The following CASK variants were observed in gnomAD, a reference collection of about 807,000 sequenced individuals.
CASK encodes calcium/calmodulin dependent serine protein kinase, also known as peripheral plasma membrane protein CASK.
A neutral mutation model predicts 82.9 loss-of-function variants in CASK; 4 were observed. The observed-to-expected ratio is 0.05, with a 90% CI of 0.02 to 0.11. The LOEUF is 0.11. Ranked by LOEUF, CASK falls within the 10% of genes least tolerant of loss-of-function variation. The pLI is 1.00. For synonymous variants in CASK, 259 were observed against 253.5 expected (o/e 1.02, Z -0.20); for missense variants, 358 against 720.9 (o/e 0.50, Z 5.76).
intron 4 of CASK, among the ~76,000 whole-genome samples, chrX:41,742,375 C>G (rs1373397103): frequency 1.8e-5 from 2 of 111,547 alleles, no homozygotes; most frequent in Non-Finnish European, 3.8e-5. Flanking sequence ...AGCCTTCTGA[C>G]TGCCTGTATC....
At chrX:41,667,697 T>C (rs1452171915) in intron 6 of CASK, among the ~76,000 whole-genome samples, 2 of 111,506 alleles carry the variant, frequency 1.8e-5, no homozygotes. Context: ...GTAGCTGGGA[T>C]TACAGGTGTG....
intron 2 of CASK, among the ~76,000 whole-genome samples, chrX:41,834,950 C>G (rs1394731502): frequency 9.0e-6 from 1 of 111,655 alleles, no homozygotes; most frequent in African/African-American, 3.3e-5. Context: ...CTCCAAAATT[C>G]ATCTTGTACC....
At chrX:41,786,045 C>T (rs2069592462) in intron 3 of CASK, among the ~76,000 whole-genome samples, 1 of 111,885 alleles carries the variant, frequency 8.9e-6, no homozygotes, top group Non-Finnish European at 1.9e-5. Context: ...TTGTGGCTCT[C>T]AGTCCAGTAG....
intron 5 of CASK, among the ~76,000 whole-genome samples, chrX:41,684,531 T>C (rs151056244): frequency 0.022 from 2,430 of 111,613 alleles, 74 homozygotes; most frequent in African/African-American, 0.074. Context: ...GGGTCTCACT[T>C]TGTCACCCAG....
chrX:41,633,481 A>C (rs1207733122), intron 9 of CASK, among the ~76,000 whole-genome samples: 1 of 111,150 alleles, frequency 9.0e-6, no homozygotes, highest in Non-Finnish European at 1.9e-5. Flanking sequence ...CAGCCTGGAG[A>C]TCATGCAGTC....
rs778670499 is a variant in CASK, at chrX:41,752,293, C to CT, written c.279-6693dup. Among the ~76,000 whole-genome samples, 213 of 102,369 alleles carry CT rather than the reference C, an allele frequency of 2.1e-3. 2 individuals carry two copies. Among genetic ancestry groups the CT allele is most frequent in the South Asian group, 9.3e-3 (21 of 2,266 alleles). The allele number at this position is 102,369 out of a possible 115,157, so 88.9% of individuals were successfully genotyped here. A position where few individuals can be genotyped will look rare whatever the true frequency, so the allele number is the denominator to read the frequency against. ...GAAATCATCATAATGAAAATTAGAA[C>CT]TTTTTTTTTTTTTCCAAGACAGGGT... On this transcript the variant is annotated intron_variant, in intron 3 of 26. Transcript: ENST00000378163.
At chrX:41,676,549 G>A in intron 5 of CASK, 3 of 1,051,059 alleles carry the variant, frequency 2.9e-6, no homozygotes, top group Non-Finnish European at 3.8e-6. Flanking sequence ...CCTCGCCTGG[G>A]TCTACCTGGC....
In CASK at chrX:41,517,650, A is replaced by G. The variant is rs1359569192; in HGVS notation, c.*2770T>C. On this transcript the variant is annotated 3_prime_UTR_variant, in exon 27 of 27. Transcript: ENST00000378163. ...ACTAATAAGATTTAGTACTCTAAAC[A>G]TTCATTCTGGTCTTTAAAAGAAAGA... 1 of 435,491 alleles carries G rather than the reference A, an allele frequency of 2.3e-6. No individual in the cohort carries two copies. The highest frequency in any genetic ancestry group is 3.5e-5 in the Admixed American group (1 of 28,198). 35.9% of individuals were successfully genotyped at this position (435,491 alleles called of 1,213,427 possible). A position where few individuals can be genotyped will look rare whatever the true frequency, so the allele number is the denominator to read the frequency against.
intron 5 of CASK, chrX:41,727,922 C>T (rs761504013): frequency 1.9e-5 from 23 of 1,191,862 alleles, no homozygotes; most frequent in African/African-American, 7.0e-5. Flanking sequence ...TGTCTTGCTT[C>T]GGCCAGAAGT....
intron 3 of CASK, among the ~76,000 whole-genome samples, chrX:41,781,531 A>C (rs1476920955): frequency 8.9e-6 from 1 of 112,071 alleles, no homozygotes. Flanking sequence ...TATGGGTGTC[A>C]TGTTACAAAA....
At chrX:41,640,754 C>T (rs1160407072) in intron 8 of CASK, among the ~76,000 whole-genome samples, 1 of 111,230 alleles carries the variant, frequency 9.0e-6, no homozygotes, top group African/African-American at 3.3e-5. Flanking sequence ...GAATTCTTTA[C>T]ATATTGCAAA....
chrX:41,522,674 T>C (rs2064654296), intron 26 of CASK, among the ~76,000 whole-genome samples: 1 of 112,350 alleles, frequency 8.9e-6, no homozygotes, highest in Non-Finnish European at 1.9e-5. Context: ...TAGCAGGGTT[T>C]ATGATTTGCT....
chrX:41,646,398 C>T (rs2066758571), intron 8 of CASK, among the ~76,000 whole-genome samples: 1 of 111,025 alleles, frequency 9.0e-6, no homozygotes, highest in African/African-American at 3.3e-5. Context: ...AAAGGAATGC[C>T]TGGAGGCTAC....
At chrX:41,734,206 T>G (rs190051992) in intron 5 of CASK, among the ~76,000 whole-genome samples, 149 of 111,991 alleles carry the variant, frequency 1.3e-3, no homozygotes, top group Non-Finnish European at 2.4e-3. Context: ...GGGTAGCAAT[T>G]TGCATTCTCA....
intron 8 of CASK, among the ~76,000 whole-genome samples, chrX:41,644,348 C>T (rs931096791): frequency 8.9e-6 from 1 of 112,072 alleles, no homozygotes; most frequent in African/African-American, 3.2e-5. Context: ...TTTCTTATGC[C>T]TGTCTTTACT....
chrX:41,853,318 A>G, intron 1 of CASK, 91 bp from the exon 2 acceptor site: 1 of 529,758 alleles, frequency 1.9e-6, no homozygotes, highest in East Asian at 3.7e-5. Context: ...TATATAATAT[A>G]GATAATGTTT....
chrX:41,551,748 C>T (rs1212186902), intron 21 of CASK, among the ~76,000 whole-genome samples: 2 of 107,657 alleles, frequency 1.9e-5, no homozygotes, highest in Admixed American at 9.9e-5. Context: ...TATGTGGTGG[C>T]GGGTGCCTGT....
intron 4 of CASK, among the ~76,000 whole-genome samples, chrX:41,743,061 T>A (rs1187626789): frequency 8.9e-6 from 1 of 112,407 alleles, no homozygotes; most frequent in Non-Finnish European, 1.9e-5. Context: ...AGACCACAAG[T>A]CATGTCATTG....
At chrX:41,549,841 A>G (rs1419835830) in intron 21 of CASK, among the ~76,000 whole-genome samples, 1 of 109,153 alleles carries the variant, frequency 9.2e-6, no homozygotes, top group Non-Finnish European at 1.9e-5. Flanking sequence ...CCTTGACTTT[A>G]GAAGAATAAA....
Sources: gnomAD v4.1 joint callset for allele counts (sites outside exome capture counted in the v4.1 genomes callset) on GRCh38, gnomAD v4.1.1 for gene constraint, MANE v1.5 for transcripts, NCBI Gene and HGNC (gene_info 2026-07-23, HGNC 2026-07-21) for gene names.